The following PRTFDC1 variants were observed in gnomAD, a reference collection of about 807,000 sequenced individuals.
PRTFDC1 encodes phosphoribosyl transferase domain containing 1.
Under a neutral mutation model 34.6 loss-of-function variants are expected in PRTFDC1, and 38 were observed. The observed-to-expected ratio is 1.10, with a 90% confidence interval of 0.85 to 1.44. The LOEUF (loss-of-function observed/expected upper bound fraction) is 1.44. Among genes scored for constraint, PRTFDC1 ranks in the 40% most tolerant of loss-of-function variants. The pLI is 0.00. For synonymous variants in PRTFDC1, 93 were observed against 98.1 expected (o/e 0.95, Z 0.31); for missense variants, 270 against 283.0 (o/e 0.95, Z 0.33).
chr10:24,866,965 G>C (rs1164412039), intron 4 of PRTFDC1, among the ~76,000 whole-genome samples: 1 of 148,442 alleles, frequency 6.7e-6, no homozygotes, highest in African/African-American at 2.5e-5. Context: ...GGGGTTCAAA[G>C]TAAAAAATGT....
intron 3 of PRTFDC1, among the ~76,000 whole-genome samples, chr10:24,913,155 C>G (rs1848651107): frequency 6.6e-6 from 1 of 152,226 alleles, no homozygotes; most frequent in Non-Finnish European, 1.5e-5. Context: ...AAAACACGAA[C>G]TTCACTAGGG....
intron 3 of PRTFDC1, among the ~76,000 whole-genome samples, chr10:24,909,631 ATAGT>A (rs1213933521): frequency 4.6e-5 from 7 of 152,204 alleles, no homozygotes; most frequent in Admixed American, 2.6e-4. Flanking sequence ...CCTTGTTCGA[ATAGT>A]TAAAGACAAA....
At chr10:24,913,020 C>T (rs963040896) in intron 3 of PRTFDC1, among the ~76,000 whole-genome samples, 4 of 152,164 alleles carry the variant, frequency 2.6e-5, no homozygotes, top group Non-Finnish European at 4.4e-5. Context: ...TACAATTTTT[C>T]GAAATCAGAT....
intron 1 of PRTFDC1, among the ~76,000 whole-genome samples, chr10:24,947,953 C>T (rs778092512): frequency 2.8e-4 from 43 of 152,200 alleles, no homozygotes; most frequent in Non-Finnish European, 5.3e-4. Context: ...TAAAAGATTC[C>T]CAGGTTCTGC....
chr10:24,920,643 A>T (rs1848774134), intron 3 of PRTFDC1, among the ~76,000 whole-genome samples: 1 of 152,212 alleles, frequency 6.6e-6, no homozygotes, highest in African/African-American at 2.4e-5. Flanking sequence ...ACATTTACCT[A>T]TGTAACAAAC....
chr10:24,936,508 A>G (rs1331856016), intron 3 of PRTFDC1, among the ~76,000 whole-genome samples: 1 of 152,048 alleles, frequency 6.6e-6, no homozygotes, highest in Non-Finnish European at 1.5e-5. Flanking sequence ...CTGGTCTCGA[A>G]CTCCTGGCTT....
chr10:24,952,447 C>G lies in PRTFDC1; in HGVS notation c.48+81G>C. 1.4e-6 allele frequency: 2 copies of G among 1,464,724 alleles called. No homozygotes were observed. The highest frequency in any genetic ancestry group is 1.9e-6 in the Non-Finnish European group (2 of 1,070,818). The allele number at this position is 1,464,724 out of a possible 1,614,324, so 90.7% of individuals were successfully genotyped here. ...GTGGCCCTCTCTCTCCCCCGACGCA[C>G]GGCAAGCATTTAATCTACAAGCAGG... On this transcript the variant is annotated intron_variant, in intron 1 of 8. Transcript: ENST00000320152. This position sits in a 1 kb window ranked among gnomAD's most constrained non-coding sequence, Gnocchi z 5.1.
At chr10:24,948,264 A>C (rs10741071) in intron 1 of PRTFDC1, among the ~76,000 whole-genome samples, 90,200 of 151,996 alleles carry the variant, frequency 0.59, 27,120 homozygotes, top group South Asian at 0.72. Context: ...GTTGATAATC[A>C]TTTGGCAAAA....
chr10:24,943,544 CTT>C (rs5783911), intron 1 of PRTFDC1, among the ~76,000 whole-genome samples: 6,672 of 137,908 alleles, frequency 0.048, 357 homozygotes, highest in African/African-American at 0.14. Context: ...GTTTCCCATT[CTT>C]TTTTTTTTTT....
intron 7 of PRTFDC1, among the ~76,000 whole-genome samples, chr10:24,853,436 AC>A (rs1196471371): frequency 6.6e-6 from 1 of 152,054 alleles, no homozygotes; most frequent in Non-Finnish European, 1.5e-5. Context: ...ACATGGTGAA[AC>A]CCCATCTCTA....
intron 1 of PRTFDC1, among the ~76,000 whole-genome samples, chr10:24,946,909 G>A (rs1448346842): frequency 3.3e-5 from 5 of 152,196 alleles, no homozygotes; most frequent in African/African-American, 1.2e-4. Flanking sequence ...GCTGAAGTGG[G>A]AGGATCACTT....
chr10:24,936,288 G>A (rs1017653349), intron 3 of PRTFDC1, among the ~76,000 whole-genome samples: 2 of 151,858 alleles, frequency 1.3e-5, no homozygotes, highest in Admixed American at 6.6e-5. Context: ...GGAAACAACA[G>A]CTTTTTTTTT....
chr10:24,920,487 A>G (rs527561032), intron 3 of PRTFDC1, among the ~76,000 whole-genome samples: 17 of 152,270 alleles, frequency 1.1e-4, no homozygotes, highest in Non-Finnish European at 2.2e-4. Context: ...AACAATGAGA[A>G]CACATGGACA....
intron 4 of PRTFDC1, chr10:24,867,847 A>C (rs184263563): frequency 5.2e-4 from 76 of 146,294 alleles, no homozygotes; most frequent in African/African-American, 1.7e-3. Flanking sequence ...TCTGTCACCC[A>C]GGCTAGAGTG....
intron 2 of PRTFDC1, among the ~76,000 whole-genome samples, chr10:24,941,803 A>C (rs1293372355): frequency 6.6e-6 from 1 of 152,174 alleles, no homozygotes; most frequent in Non-Finnish European, 1.5e-5. Context: ...AGAGTTGTAA[A>C]TAGGTAAACT....
intron 1 of PRTFDC1, among the ~76,000 whole-genome samples, chr10:24,944,350 C>T (rs1033691404): frequency 6.6e-5 from 10 of 152,162 alleles, no homozygotes; most frequent in African/African-American, 1.7e-4. Flanking sequence ...CCTCTCGGCA[C>T]CTCCACTGCT....
Position 24,937,248 on chromosome 10 carries a change from A to T in PRTFDC1, c.275T>A (p.Ile92Asn). 2 of 1,614,008 alleles carry T rather than the reference A, an allele frequency of 1.2e-6. No individual in the cohort carries two copies. Among genetic ancestry groups the T allele is most frequent in the Middle Eastern group, 1.6e-4 (1 of 6,062 alleles). The change falls in exon 3 of 9, where the codon ATC becomes AAC. Residue 92 changes from isoleucine to asparagine, a missense_variant. By Grantham distance (149) the Ile-to-Asn change is moderately radical. Coordinates refer to ENST00000320152, the MANE Select transcript of PRTFDC1 (RefSeq NM_020200.7). Reference protein sequence around the residue: ...CADLVEHLKNISRNSDRFVSM... With the variant: ...CADLVEHLKNNSRNSDRFVSM... ...GACAAATCGATCTGAATTTCGGCTG[A>T]TGTTCTTAAGGTGTTCTACGAGATC...
intron 3 of PRTFDC1, among the ~76,000 whole-genome samples, chr10:24,897,260 G>C (rs958398893): frequency 6.6e-6 from 1 of 152,134 alleles, no homozygotes; most frequent in Admixed American, 6.5e-5. Context: ...TTCTGAACCA[G>C]TAGAAGTCCC....
chr10:24,926,537 T>C (rs1035791809), intron 3 of PRTFDC1, among the ~76,000 whole-genome samples: 1 of 152,198 alleles, frequency 6.6e-6, no homozygotes, highest in African/African-American at 2.4e-5. Flanking sequence ...TCAGTAGAGC[T>C]GGCATTTCAC....
Sources: allele counts gnomAD v4.1 joint callset (sites outside exome capture counted in the v4.1 genomes callset), GRCh38; gene constraint gnomAD v4.1.1; non-coding constraint Gnocchi (gnomAD v3.1); transcripts MANE v1.5; gene names NCBI Gene and HGNC (gene_info 2026-07-23, HGNC 2026-07-21).